Variants in IDO2 observed in about 807,000 individuals in gnomAD.
The protein encoded by IDO2 is indoleamine 2,3-dioxygenase-like 1 protein.
In IDO2, 46 loss-of-function variants were observed where a neutral mutation model predicts 45.1. The observed-to-expected ratio is 1.02, with a 90% CI of 0.80 to 1.30. IDO2 has a LOEUF of 1.30. Among genes scored for constraint, IDO2 ranks in the 50% most tolerant of loss-of-function variants. The probability of loss-of-function intolerance (pLI) is 0.00; values close to 1 mark genes in which losing one functional copy is unlikely to be tolerated. For missense variants in IDO2, 544 were observed against 491.8 expected, an observed-to-expected ratio of 1.11 and a Z score of -1.00; for synonymous variants, 218 against 184.9, an observed-to-expected ratio of 1.18 and a Z score of -1.45.
At chr8:39,976,608 T>A (rs935686384) in intron 3 of IDO2, among the ~76,000 whole-genome samples, 1 of 152,214 alleles carries the variant, frequency 6.6e-6, no homozygotes, top group Non-Finnish European at 1.5e-5. Context: ...CAGAAAATAG[T>A]GCAAACATGT....
chr8:39,979,084 C>T, exon 4 of IDO2: 1 of 1,591,352 alleles, frequency 6.3e-7, no homozygotes, highest in Non-Finnish European at 8.6e-7. Flanking sequence ...TGCTGAGCTG[C>T]CAGTTCCTGA....
At chr8:39,979,898 C>T (rs909287384) in intron 4 of IDO2, among the ~76,000 whole-genome samples, 3 of 152,198 alleles carry the variant, frequency 2.0e-5, no homozygotes, top group Admixed American at 6.5e-5. Flanking sequence ...TAGCTCACTG[C>T]AGCCTCAACT....
chr8:39,973,348 G>A (rs1168926972), intron 3 of IDO2, among the ~76,000 whole-genome samples: 1 of 152,006 alleles, frequency 6.6e-6, no homozygotes, highest in Non-Finnish European at 1.5e-5. Context: ...CAAGGATCTA[G>A]AATTAGTGAC....
intron 1 of IDO2, among the ~76,000 whole-genome samples, chr8:39,943,093 C>A (rs1003267018): frequency 6.6e-6 from 1 of 152,076 alleles, no homozygotes; most frequent in Non-Finnish European, 1.5e-5. Flanking sequence ...CTTGGCAGGG[C>A]GCAGTGGCTC....
At chr8:39,980,848 C>T (rs1030464390) in intron 4 of IDO2, among the ~76,000 whole-genome samples, 4 of 151,970 alleles carry the variant, frequency 2.6e-5, no homozygotes, top group African/African-American at 9.7e-5. Context: ...TTCCTGGGTC[C>T]AAGGGATTCT....
intron 1 of IDO2, among the ~76,000 whole-genome samples, chr8:39,939,577 A>G (rs1176906417): frequency 1.3e-4 from 19 of 148,758 alleles, no homozygotes; most frequent in Non-Finnish European, 2.1e-4. Context: ...AAAAAAGGAA[A>G]GAAAGAAAGA....
chr8:40,012,352 G>T (rs1802321810), intron 9 of IDO2, among the ~76,000 whole-genome samples: 1 of 152,132 alleles, frequency 6.6e-6, no homozygotes, highest in Non-Finnish European at 1.5e-5. Context: ...AATGAAGATA[G>T]AAAATTGCAA....
At chr8:39,966,010 T>A (rs1398419158) in intron 3 of IDO2, among the ~76,000 whole-genome samples, 1 of 150,568 alleles carries the variant, frequency 6.6e-6, no homozygotes, top group Non-Finnish European at 1.5e-5. Flanking sequence ...CACAACACTC[T>A]TGGTCTCTAT....
intron 6 of IDO2, chr8:39,985,838 A>ATT: frequency 2.1e-5 from 5 of 239,098 alleles, no homozygotes; most frequent in Non-Finnish European, 2.4e-5. Flanking sequence ...TTGAAGTTTA[A>ATT]TTTTTTTTTT....
At chr8:40,014,171 C>A (rs1047482565) in intron 10 of IDO2, among the ~76,000 whole-genome samples, 1 of 152,142 alleles carries the variant, frequency 6.6e-6, no homozygotes, top group East Asian at 1.9e-4. Context: ...TGAAATTGTT[C>A]ATTTTCTTAC....
At chr8:39,988,524 C>G (rs531589576) in intron 7 of IDO2, among the ~76,000 whole-genome samples, 1 of 152,314 alleles carries the variant, frequency 6.6e-6, no homozygotes, top group East Asian at 1.9e-4. Flanking sequence ...CTCCACCTCC[C>G]AGGTTCAAGC....
chr8:39,972,831 C>T (rs1247349957), intron 3 of IDO2, among the ~76,000 whole-genome samples: 2 of 152,072 alleles, frequency 1.3e-5, no homozygotes, highest in African/African-American at 2.4e-5. Flanking sequence ...GAGATTATGA[C>T]TCACTGAAGG....
intron 1 of IDO2, among the ~76,000 whole-genome samples, chr8:39,943,906 G>T (rs960035116): frequency 6.6e-6 from 1 of 152,146 alleles, no homozygotes; most frequent in East Asian, 1.9e-4. Context: ...AGGGGAAGTG[G>T]ATAATTGAGA....
intron 3 of IDO2, among the ~76,000 whole-genome samples, chr8:39,964,141 T>C (rs1808045166): frequency 6.6e-6 from 1 of 152,212 alleles, no homozygotes; most frequent in African/African-American, 2.4e-5. Flanking sequence ...AATTTCTGAA[T>C]TATAAAATTG....
At chr8:39,963,813 T>TGGTAA in intron 3 of IDO2, 110 bp downstream of exon 3, 1 of 620,508 alleles carries the variant, frequency 1.6e-6, no homozygotes, top group Non-Finnish European at 2.8e-6. Flanking sequence ...TTCATTACCA[T>TGGTAA]TGAACTTATC....
chr8:39,997,210 C>T (rs1245470095), intron 8 of IDO2, among the ~76,000 whole-genome samples: 1 of 152,156 alleles, frequency 6.6e-6, no homozygotes, highest in Non-Finnish European at 1.5e-5. Context: ...ATTAACCCAG[C>T]TGCTTCCTGA....
intron 9 of IDO2, 95 bp from the exon 10 acceptor site, chr8:40,013,470 T>A (rs1802338379): frequency 1.6e-6 from 2 of 1,215,946 alleles, no homozygotes; most frequent in Non-Finnish European, 2.3e-6. Context: ...ATTGAAATCA[T>A]GTTCCCTTTC....
intron 3 of IDO2, among the ~76,000 whole-genome samples, chr8:39,971,779 T>C (rs543711207): frequency 6.6e-6 from 1 of 152,016 alleles, no homozygotes; most frequent in Non-Finnish European, 1.5e-5. Context: ...ATTTTATAAC[T>C]GAGTTGCTGC....
chr8:39,967,983 G>C (rs1052149289), intron 3 of IDO2, among the ~76,000 whole-genome samples: 2 of 151,354 alleles, frequency 1.3e-5, no homozygotes, highest in Admixed American at 6.6e-5. Flanking sequence ...CTCAGCAATG[G>C]CATTCCTAAG....
Sources: gnomAD v4.1 joint callset for allele counts (sites outside exome capture counted in the v4.1 genomes callset) on GRCh38, gnomAD v4.1.1 for gene constraint, MANE v1.5 for transcripts, NCBI Gene and HGNC (gene_info 2026-07-23, HGNC 2026-07-21) for gene names.